ARHGAP44: variants seen among roughly 807,000 people sequenced by gnomAD.
ARHGAP44 encodes the protein Rho GTPase activating protein 44.
ARHGAP44 carries 43 observed loss-of-function variants against 106.8 expected under a neutral mutation model. That is an observed-to-expected ratio of 0.40 (90% CI 0.32 to 0.52). The LOEUF (loss-of-function observed/expected upper bound fraction) is 0.52, where lower values mean the gene tolerates loss of function less well. Among genes scored for constraint, ARHGAP44 ranks in the 20% least tolerant of loss-of-function variants. The pLI, the probability that ARHGAP44 is intolerant of heterozygous loss-of-function variation, is 0.48. For missense variants in ARHGAP44, 866 were observed against 1,050.5 expected (o/e 0.82, Z 2.43); for synonymous variants, 439 against 410.3 (o/e 1.07, Z -0.85).
In ARHGAP44 at chr17:12,938,582, T is replaced by TTAAAAAA. The variant is rs376200698; in HGVS notation, c.583-2474_583-2473insTAAAAAA. ...CTGGGACATTTGGTTAGCTATATAT[T>TTAAAAAA]AAAAAAAAAAAAAAAAAAAAACAGC... is the stretch of plus-strand genomic sequence containing the variant. On this transcript the variant is annotated intron_variant, in intron 7 of 20. Coordinates refer to ENST00000379672, the MANE Select transcript of ARHGAP44 (RefSeq NM_014859.6). 1.3e-4 allele frequency among the ~76,000 whole-genome samples: 16 copies of TTAAAAAA among 126,992 alleles called. 2 individuals carry two copies. The highest frequency in any genetic ancestry group is 4.7e-4 in the East Asian group (2 of 4,240). 83.3% of individuals were successfully genotyped at this position (126,992 alleles called of 152,430 possible).
rs533644545 is a variant in ARHGAP44, at chr17:12,971,179, A to G, written c.1524-2123A>G. ...TATTTCTCAGTTGCCGAAGTTTGCCAGTGTTATTTAGCAAGTCTCGCCCAG... is the reference window on the plus strand; with the variant it reads ...TATTTCTCAGTTGCCGAAGTTTGCCGGTGTTATTTAGCAAGTCTCGCCCAG... On this transcript the variant is annotated intron_variant, in intron 16 of 20. Transcript: ENST00000379672. 8.5e-5 allele frequency among the ~76,000 whole-genome samples: 13 copies of G among 152,250 alleles called. No individual in the cohort carries two copies. The East Asian group carries it at 2.5e-3, about 29-fold the overall frequency.
At chr17:12,929,117 T>A in intron 7 of ARHGAP44, 71 bp downstream of exon 7, 1 of 1,378,738 alleles carries the variant, frequency 7.3e-7, no homozygotes, top group Non-Finnish European at 1.0e-6. Context: ...TTTTGTTCAC[T>A]GGAGTTCTCT....
At chr17:12,875,634 C>A (rs2036528561) in intron 1 of ARHGAP44, among the ~76,000 whole-genome samples, 1 of 151,878 alleles carries the variant, frequency 6.6e-6, no homozygotes, top group South Asian at 2.1e-4. Flanking sequence ...CATTATAACA[C>A]CCTCAAGCTA....
chr17:12,879,723 T>A (rs928256957), intron 1 of ARHGAP44, among the ~76,000 whole-genome samples: 3 of 148,756 alleles, frequency 2.0e-5, no homozygotes, highest in East Asian at 3.9e-4. Context: ...AGTTAAAAAA[T>A]ATATATATAT....
chr17:12,951,375 G>A (rs554360951), intron 12 of ARHGAP44, among the ~76,000 whole-genome samples: 3 of 152,180 alleles, frequency 2.0e-5, no homozygotes, highest in Non-Finnish European at 4.4e-5. Context: ...AATCCAAGGA[G>A]TCCGGTTTCA....
intron 1 of ARHGAP44, among the ~76,000 whole-genome samples, chr17:12,839,786 C>G (rs2035340259): frequency 6.6e-6 from 1 of 152,020 alleles, no homozygotes; most frequent in African/African-American, 2.4e-5. Flanking sequence ...CACATTATAC[C>G]TCATCTTCAT....
intron 1 of ARHGAP44, among the ~76,000 whole-genome samples, chr17:12,893,960 G>T (rs73294279): frequency 6.6e-6 from 1 of 151,982 alleles, no homozygotes; most frequent in Non-Finnish European, 1.5e-5. Context: ...AGGGTCTTAC[G>T]TTTCTAAACA....
chr17:12,924,311 T>C (rs750570705), intron 6 of ARHGAP44, among the ~76,000 whole-genome samples: 8 of 152,328 alleles, frequency 5.3e-5, no homozygotes, highest in Middle Eastern at 3.4e-3. Context: ...CAGACCTCAA[T>C]ATTCTCAGAG....
rs934846707 is a variant in ARHGAP44 at position 12,963,822 on chromosome 17, T to TA, written c.1523+4936dup. ...ACATAACAAAGAGCCAGAACAAGCT[T>TA]AAAAAAAAAAATCCTTCAACCTGTC... is the stretch of plus-strand genomic sequence containing the variant. On this transcript the variant is annotated intron_variant, in intron 16 of 20. Transcript: ENST00000379672. 4.4e-3 allele frequency among the ~76,000 whole-genome samples: 649 copies of TA among 149,178 alleles called. 3 individuals are homozygous for TA. The highest frequency in any genetic ancestry group is 0.015 in the African/African-American group (596 of 40,838).
rs769453154 is a variant in ARHGAP44 at position 12,990,078 on chromosome 17, G to A, written c.2364G>A (p.Ser788=). ...DIPSIHIELG[S]TLRLSPLEHM... ...CCTCGATCCACATAGAGCTCGGGTC[G>A]ACGCTCCGCCTGAGTCCCCTGGAGC... The change falls in exon 21 of 21, where the codon TCG becomes TCA. Residue 788 remains serine (S), a synonymous_variant. Transcript: ENST00000379672. 23 of 1,612,486 alleles carry A rather than the reference G, an allele frequency of 1.4e-5. No homozygotes were observed. Among genetic ancestry groups the A allele is most frequent in the East Asian group, 6.7e-5 (3 of 44,584 alleles).
intron 1 of ARHGAP44, among the ~76,000 whole-genome samples, chr17:12,805,928 C>A (rs1417318679): frequency 6.6e-6 from 1 of 152,170 alleles, no homozygotes; most frequent in Non-Finnish European, 1.5e-5. Flanking sequence ...CTTTTCACCT[C>A]TTCATTGATT....
In ARHGAP44 at chr17:12,896,512, G is replaced by T; in HGVS notation, c.198+1G>T. 6.3e-7 allele frequency: 1 copy of T among 1,594,336 alleles called. No individual in the cohort carries two copies. The highest frequency in any genetic ancestry group is 8.5e-7 in the Non-Finnish European group (1 of 1,171,150). On this transcript the variant is annotated splice_donor_variant, in intron 3 of 20. Coordinates refer to ENST00000379672, the MANE Select transcript of ARHGAP44 (RefSeq NM_014859.6). LOFTEE classifies it high-confidence loss of function. Reference sequence around the variant, plus strand: ...AGGGGCAGAGGCTGACAAGCGCTCCGTAAGTGCCCTCCCAGCCCTGGGGAG... The same window carrying T: ...AGGGGCAGAGGCTGACAAGCGCTCCTTAAGTGCCCTCCCAGCCCTGGGGAG...
intron 17 of ARHGAP44, chr17:12,973,884 T>C (rs1179468444): frequency 8.1e-6 from 5 of 614,818 alleles, no homozygotes; most frequent in African/African-American, 1.9e-5. Context: ...TTGCCAGGAC[T>C]GGGCTGCCCA....
chr17:12,945,861 A>G (rs2038837369), intron 10 of ARHGAP44, among the ~76,000 whole-genome samples: 1 of 152,172 alleles, frequency 6.6e-6, no homozygotes, highest in Non-Finnish European at 1.5e-5. Flanking sequence ...ATCTTGGCTC[A>G]CTGCAACCTC....
chr17:12,809,496 A>G (rs2034376634), intron 1 of ARHGAP44, among the ~76,000 whole-genome samples: 1 of 152,176 alleles, frequency 6.6e-6, no homozygotes, highest in Non-Finnish European at 1.5e-5. Context: ...ACTCCCCTTT[A>G]TAAAATAATT....
At chr17:12,838,946 A>G (rs2035317970) in intron 1 of ARHGAP44, among the ~76,000 whole-genome samples, 1 of 152,142 alleles carries the variant, frequency 6.6e-6, no homozygotes, top group African/African-American at 2.4e-5. Context: ...ACCCCAGGTG[A>G]TCTGCCCACC....
intron 1 of ARHGAP44, among the ~76,000 whole-genome samples, chr17:12,856,688 C>T (rs181470437): frequency 3.3e-4 from 50 of 152,258 alleles, no homozygotes; most frequent in African/African-American, 8.9e-4. Flanking sequence ...AGCTTTGTGA[C>T]CTTGGACAAG....
In ARHGAP44 at chr17:12,812,737, G is replaced by A. The variant is rs192850280; in HGVS notation, c.53+22846G>A. ...GAAGATCTCTGGAAGAATATAAAAA[G>A]TTGTGAACAGTGCTTCTCAACTGGG... On this transcript the variant is annotated intron_variant, in intron 1 of 20. Coordinates refer to ENST00000379672, the MANE Select transcript of ARHGAP44 (RefSeq NM_014859.6). Among the ~76,000 whole-genome samples the A allele has an allele frequency of 3.0e-4, 46 of 152,324 alleles. No homozygotes were observed. In the East Asian group the frequency reaches 8.9e-3, roughly 29 times the overall value.
intron 1 of ARHGAP44, among the ~76,000 whole-genome samples, chr17:12,847,466 C>T (rs114127945): frequency 0.023 from 3,370 of 149,636 alleles, 113 homozygotes; most frequent in African/African-American, 0.075. Context: ...TCCGTAACTT[C>T]GTAGCCTCAG....
Sources: allele counts gnomAD v4.1 joint callset (sites outside exome capture counted in the v4.1 genomes callset), GRCh38; gene constraint gnomAD v4.1.1; transcripts MANE v1.5; gene names NCBI Gene and HGNC (gene_info 2026-07-23, HGNC 2026-07-21).